The following IFT74 variants were observed in gnomAD, a reference collection of about 807,000 sequenced individuals.
The protein encoded by IFT74 is intraflagellar transport 74, also known as intraflagellar transport protein 74 homolog.
A neutral mutation model predicts 96.7 loss-of-function variants in IFT74; 92 were observed. The observed-to-expected ratio is 0.95, with a 90% CI of 0.80 to 1.13. The LOEUF (loss-of-function observed/expected upper bound fraction) is 1.13. IFT74 is among the 50% of genes most tolerant of loss of function. The probability of loss-of-function intolerance (pLI) is 0.00; values close to 1 mark genes in which losing one functional copy is unlikely to be tolerated. For missense variants in IFT74, 811 were observed against 698.2 expected (o/e 1.16, Z -1.82); for synonymous variants, 223 against 213.2 (o/e 1.05, Z -0.40).
intron 2 of IFT74, among the ~76,000 whole-genome samples, chr9:26,967,678 A>G (rs1262294252): frequency 2.6e-5 from 4 of 152,178 alleles, no homozygotes; most frequent in African/African-American, 4.8e-5. Flanking sequence ...TCTAGATCTT[A>G]GAGGAAAGGC....
Position 27,016,951 on chromosome 9 carries a change from T to C in IFT74, c.834T>C (p.His278=), listed in dbSNP as rs1829372914. 1 of 1,610,490 alleles carries C rather than the reference T, an allele frequency of 6.2e-7. No homozygotes were observed. Among genetic ancestry groups the C allele is most frequent in the African/African-American group, 1.3e-5 (1 of 74,840 alleles). ...TGAAACAGGAGGCGGTATTGCTGCA[T>C]GAAAAACTTTATGAGTTGGAGTCCC... ...SQVKQEAVLL[H]EKLYELESHR... Residue 278 remains histidine, a synonymous_variant, in exon 11 of 20, where the codon CAT becomes CAC. Coordinates refer to ENST00000380062, the MANE Select transcript of IFT74 (RefSeq NM_025103.4).
At chr9:27,052,566 G>GA (rs1013260943) in intron 16 of IFT74, among the ~76,000 whole-genome samples, 6 of 145,980 alleles carry the variant, frequency 4.1e-5, no homozygotes, top group East Asian at 2.1e-4. Context: ...TGTACAGTTT[G>GA]AAAAAAAATT....
In IFT74 at chr9:27,044,100, C is replaced by T. The variant is rs1322397191; in HGVS notation, c.1055-642C>T. Among the ~76,000 whole-genome samples, 3 of 152,298 alleles carry T rather than the reference C, an allele frequency of 2.0e-5. No homozygotes were observed. In the South Asian group the frequency reaches 6.2e-4, roughly 32 times the overall value. On this transcript the variant is annotated intron_variant, in intron 13 of 19. Transcript: ENST00000380062. ...TACTTTTTCACTTCATTCTCTGCCT[C>T]GGCCATACCACTCCCTCAGTTCTTT...
intron 12 of IFT74, among the ~76,000 whole-genome samples, chr9:27,025,460 A>AG (rs1007395369): frequency 2.7e-5 from 4 of 146,198 alleles, no homozygotes; most frequent in African/African-American, 5.3e-5. Context: ...AAAAAAAAAA[A>AG]AAAGAAAAGA....
Position 26,947,403 on chromosome 9 carries a change from C to G in IFT74, c.-20+257C>G, listed in dbSNP as rs41271177. On this transcript the variant is annotated intron_variant, in intron 1 of 19. Transcript: ENST00000433700. The stretch of plus-strand genomic sequence containing the variant: ...AGAGGCCCGCCCTTCCACCAGGACG[C>G]CTGACCCTGGGGTCCTTCCCAAACC... The G allele has an allele frequency of 4.8e-3, 1,048 of 220,008 alleles. 8 individuals carry two copies. The highest frequency in any genetic ancestry group is 7.9e-3 in the Non-Finnish European group (881 of 111,330). The allele number at this position is 220,008 out of a possible 1,614,324, so 13.6% of individuals were successfully genotyped here. A position where few individuals can be genotyped will look rare whatever the true frequency, so the allele number is the denominator to read the frequency against.
At chr9:27,061,197 T>C (rs576118529) in intron 19 of IFT74, among the ~76,000 whole-genome samples, 3 of 151,984 alleles carry the variant, frequency 2.0e-5, no homozygotes, top group Admixed American at 6.6e-5. Context: ...AAGTAACTAA[T>C]AGAAAGCAGA....
chr9:26,985,229 C>G (rs1168635385), intron 6 of IFT74, among the ~76,000 whole-genome samples: 1 of 152,140 alleles, frequency 6.6e-6, no homozygotes, highest in African/African-American at 2.4e-5. Flanking sequence ...TGCATGTTCT[C>G]TCTTACCAGT....
chr9:27,019,904 C>T (rs74319119), intron 12 of IFT74, among the ~76,000 whole-genome samples: 3 of 152,054 alleles, frequency 2.0e-5, no homozygotes, highest in African/African-American at 7.2e-5. Context: ...TATTTGAATA[C>T]ATTTATTTGA....
At chr9:26,979,573 C>T (rs944705389) in intron 3 of IFT74, among the ~76,000 whole-genome samples, 3 of 151,968 alleles carry the variant, frequency 2.0e-5, no homozygotes, top group Non-Finnish European at 4.4e-5. Flanking sequence ...CCCCATTTCC[C>T]AGTATAATAA....
At chr9:27,045,811 G>A (rs894802725) in intron 14 of IFT74, among the ~76,000 whole-genome samples, 3 of 152,024 alleles carry the variant, frequency 2.0e-5, no homozygotes, top group Admixed American at 6.6e-5. Flanking sequence ...AATGTACCAA[G>A]TTTTCTTTAA....
chr9:26,988,837 T>A, intron 7 of IFT74, 109 bp downstream of exon 7: 7 of 922,022 alleles, frequency 7.6e-6, no homozygotes, highest in Non-Finnish European at 1.1e-5. Context: ...TAGAGGTGAA[T>A]ATTACTCTGA....
chr9:27,060,726 A>T (rs1820380000), intron 19 of IFT74, 75 bp downstream of exon 19: 2 of 1,032,740 alleles, frequency 1.9e-6, no homozygotes, highest in Admixed American at 2.2e-5. Flanking sequence ...TGGGAGGCCG[A>T]GGCAGGTGGG....
In IFT74 at chr9:27,011,645, GTT is replaced by G. The variant is rs56762171; in HGVS notation, c.727-244_727-243del. Among the ~76,000 whole-genome samples the G allele has an allele frequency of 0.078, 10,368 of 133,576 alleles. 423 individuals carry two copies. Among genetic ancestry groups the G allele is most frequent in the African/African-American group, 0.14 (5,299 of 37,498 alleles). 87.6% of individuals were successfully genotyped at this position (133,576 alleles called of 152,430 possible). A position where few individuals can be genotyped will look rare whatever the true frequency, so the allele number is the denominator to read the frequency against. On this transcript the variant is annotated intron_variant, in intron 9 of 19. Transcript: ENST00000380062. ...TAGCTACTTTTGAGAAACTCATGAA[GTT>G]TTTTTTTTTTTTTTTTGAAGGCACA...
chr9:26,962,563 A>G (rs938863742), intron 2 of IFT74, among the ~76,000 whole-genome samples: 1 of 152,240 alleles, frequency 6.6e-6, no homozygotes, highest in Non-Finnish European at 1.5e-5. Context: ...TTGGCAAAAC[A>G]TGGAGCATTC....
rs1175696062 is a variant in IFT74 at position 27,028,796 on chromosome 9, T to A, written c.975-229T>A. 5.8e-5 allele frequency: 17 copies of A among 294,824 alleles called. No individual in the cohort carries two copies. In the East Asian group the frequency reaches 1.1e-3, roughly 20 times the overall value. 18.3% of individuals were successfully genotyped at this position (294,824 alleles called of 1,614,324 possible). On this transcript the variant is annotated intron_variant, in intron 12 of 19. Coordinates refer to ENST00000380062, the MANE Select transcript of IFT74 (RefSeq NM_025103.4). ...AGATCTAGACAAGATTCTTCCTCTC[T>A]AAATTTATAGTATTGTCCTCATAAT...
At chr9:27,060,568 A>G (rs368636366) in intron 18 of IFT74, 23 bp from the exon 19 acceptor site, 2 of 1,539,872 alleles carry the variant, frequency 1.3e-6, no homozygotes, top group East Asian at 2.3e-5. Flanking sequence ...GTCCTAATTA[A>G]TATTTTTCTT....
chr9:27,043,174 A>G (rs1307248241), intron 13 of IFT74, among the ~76,000 whole-genome samples: 2 of 152,156 alleles, frequency 1.3e-5, no homozygotes, highest in Non-Finnish European at 2.9e-5. Context: ...CTGGCTAGGA[A>G]TTTGTGACCA....
chr9:26,961,671 A>G (rs944741787), intron 1 of IFT74, among the ~76,000 whole-genome samples: 16 of 152,188 alleles, frequency 1.1e-4, no homozygotes, highest in African/African-American at 3.1e-4. Context: ...GAGAAAATTT[A>G]CCAGAGTATG....
At chr9:27,059,979 C>G (rs1018828770) in intron 18 of IFT74, among the ~76,000 whole-genome samples, 1 of 152,096 alleles carries the variant, frequency 6.6e-6, no homozygotes, top group Admixed American at 6.5e-5. Context: ...ATCAGAAAAA[C>G]AATATAATTC....
Sources: gnomAD v4.1 joint callset for allele counts (sites outside exome capture counted in the v4.1 genomes callset) on GRCh38, gnomAD v4.1.1 for gene constraint, MANE v1.5 for transcripts, NCBI Gene and HGNC (gene_info 2026-07-23, HGNC 2026-07-21) for gene names.